The following COL6A5 variants were observed in gnomAD, a reference collection of about 807,000 sequenced individuals.
COL6A5 encodes collagen alpha-5(VI) chain.
COL6A5 carries 48 observed loss-of-function variants against 65.6 expected under a neutral mutation model. The observed-to-expected ratio is 0.73, with a 90% CI of 0.58 to 0.93. The LOEUF is 0.93. Among genes scored for constraint, COL6A5 ranks in the 40% least tolerant of loss-of-function variants. The pLI is 0.00. For missense variants in COL6A5, 914 were observed against 928.3 expected, an observed-to-expected ratio of 0.98 and a Z score of 0.20; for synonymous variants, 291 against 322.8, an observed-to-expected ratio of 0.90 and a Z score of 1.05.
At chr3:130,444,302 C>T (rs183290730) in intron 4 of COL6A5, among the ~76,000 whole-genome samples, 47 of 151,900 alleles carry the variant, frequency 3.1e-4, no homozygotes, top group Admixed American at 9.9e-4. Context: ...TCCTCCTCAG[C>T]TTACGAGATG....
At chr3:130,469,154 G>A in exon 6 of COL6A5, 1 of 1,613,194 alleles carries the variant, frequency 6.2e-7, no homozygotes, top group Non-Finnish European at 8.5e-7. Context: ...CAATGGAGAT[G>A]TTTTTATTGG....
intron 5 of COL6A5, among the ~76,000 whole-genome samples, chr3:130,458,210 A>C (rs1232392688): frequency 6.6e-6 from 1 of 152,070 alleles, no homozygotes; most frequent in Non-Finnish European, 1.5e-5. Flanking sequence ...CCTTTTACTT[A>C]AAGCAGCCGA....
rs913369582 is a variant in COL6A5, at chr3:130,388,963, A to G, written c.2245A>G (p.Arg749Gly). 1.8e-5 allele frequency: 28 copies of G among 1,547,974 alleles called. No homozygotes were observed. The highest frequency in any genetic ancestry group is 3.3e-4 in the Middle Eastern group (2 of 5,974). Reference sequence around the variant, plus strand: ...GCAGGATGATGTGAGAGATCCTGCTAGAATTCTTCGGGGCAAAGATGTGAC... The same window carrying G: ...GCAGGATGATGTGAGAGATCCTGCTGGAATTCTTCGGGGCAAAGATGTGAC... The change falls in exon 6 of 42, where the codon AGA becomes GGA. Residue 749 changes from arginine (R) to glycine (G), a missense_variant and NMD_transcript_variant. Coordinates refer to the COL6A5 transcript ENST00000312481.
Position 130,440,450 on chromosome 3 carries a change from C to T in COL6A5, c.868C>T (p.Gln290Ter). 1.2e-6 allele frequency: 2 copies of T among 1,613,608 alleles called. No homozygotes were observed. Among genetic ancestry groups the T allele is most frequent in the Non-Finnish European group, 1.7e-6 (2 of 1,179,702 alleles). ...GTTTGATTTCATCACTTATGACAAC[C>T]AACTCCTAATGAAGAATCACATCCA... The change falls in exon 3 of 8, where the codon CAA becomes TAA. Residue 290 changes from glutamine to a stop codon, truncating the protein, a stop_gained. Transcript: ENST00000512836. LOFTEE classifies it high-confidence loss of function.
At chr3:130,372,844 A>C (rs1269530204) in intron 1 of COL6A5, among the ~76,000 whole-genome samples, 1 of 152,188 alleles carries the variant, frequency 6.6e-6, no homozygotes, top group African/African-American at 2.4e-5. Flanking sequence ...AAGGACTCTA[A>C]AAATCAGCCC....
chr3:130,455,681 AG>A lies in COL6A5; in HGVS notation c.1544+16del, dbSNP rs1329400336. On this transcript the variant is annotated intron_variant, in intron 5 of 7. Transcript: ENST00000512836. ...TCTCACTTCTGGTAAGAAAATGAAA[AG>A]TCATGATGGAAATGTTTAAATAGCC... The A allele has an allele frequency of 6.4e-7, 1 of 1,572,710 alleles. No individual in the cohort carries two copies. The highest frequency in any genetic ancestry group is 1.4e-5 in the African/African-American group (1 of 73,914).
At chr3:130,445,745 A>G (rs1709290071) in intron 4 of COL6A5, among the ~76,000 whole-genome samples, 1 of 152,154 alleles carries the variant, frequency 6.6e-6, no homozygotes, top group African/African-American at 2.4e-5. Flanking sequence ...AAGCAGAATG[A>G]TGATTCTCGT....
At chr3:130,484,429 A>G in exon 8 of COL6A5, 1 of 403,238 alleles carries the variant, frequency 2.5e-6, no homozygotes, top group Non-Finnish European at 4.4e-6. Context: ...GGACTCCTCT[A>G]AAAGCATTTG....
chr3:130,476,855 A>G, intron 7 of COL6A5: 2 of 675,498 alleles, frequency 3.0e-6, no homozygotes, highest in Non-Finnish European at 5.4e-6. Context: ...CTAGAAATAA[A>G]TGATGTCTTT....
At chr3:130,402,354 T>G (rs1936845130) in intron 12 of COL6A5, among the ~76,000 whole-genome samples, 1 of 152,196 alleles carries the variant, frequency 6.6e-6, no homozygotes, top group Non-Finnish European at 1.5e-5. Context: ...CATTGCAGAT[T>G]AATAGCCTTT....
chr3:130,439,483 A>G (rs1470608422), intron 1 of COL6A5, 39 bp from the exon 34 acceptor site: 27 of 1,480,162 alleles, frequency 1.8e-5, no homozygotes, highest in Non-Finnish European at 2.5e-5. Flanking sequence ...GTGACTAAAA[A>G]CAATGAGCAA....
chr3:130,386,275 G>A (rs1936183206), intron 5 of COL6A5, among the ~76,000 whole-genome samples: 2 of 152,028 alleles, frequency 1.3e-5, no homozygotes, highest in East Asian at 1.9e-4. Flanking sequence ...TTCCTTGTTT[G>A]TAGGCTTATT....
intron 7 of COL6A5, among the ~76,000 whole-genome samples, chr3:130,392,865 TATCATCTTTATCCAA>T (rs1489012509): frequency 1.7e-4 from 26 of 152,288 alleles, no homozygotes; most frequent in African/African-American, 6.0e-4. Context: ...TGAATGATGG[TATCATCTTTATCCAA>T]GGAAAATTAT....
intron 1 of COL6A5, among the ~76,000 whole-genome samples, chr3:130,350,277 C>G (rs1934653322): frequency 6.6e-6 from 1 of 152,144 alleles, no homozygotes; most frequent in Admixed American, 6.6e-5. Flanking sequence ...TCTCACCACT[C>G]CTATTCAACA....
At chr3:130,455,296 A>G (rs781575719) in intron 4 of COL6A5, among the ~76,000 whole-genome samples, 159 bp from the exon 37 acceptor site, 2 of 152,174 alleles carry the variant, frequency 1.3e-5, no homozygotes, top group Non-Finnish European at 2.9e-5. Context: ...TAATATGTAT[A>G]ATGAATCTCA....
intron 20 of COL6A5, among the ~76,000 whole-genome samples, chr3:130,412,653 C>G (rs912949167): frequency 1.3e-5 from 2 of 152,088 alleles, no homozygotes; most frequent in African/African-American, 2.4e-5. Flanking sequence ...GAGATTGATT[C>G]TGGGTACAAA....
At position 130,410,003 on chromosome 3, in the gene COL6A5, C is replaced by G. The variant is rs549930054; in HGVS notation, c.4543-6C>G. On this transcript the variant is annotated splice_region_variant and splice_polypyrimidine_tract_variant and intron_variant and NMD_transcript_variant, in intron 18 of 41. Transcript: ENST00000312481. ...TTCTAAACTACTTTTAAAAATCTTT[C>G]TCTAGGGTAATCCAGGACAAAACAA... 1.9e-5 allele frequency: 29 copies of G among 1,539,700 alleles called. No individual in the cohort carries two copies. In the African/African-American group the frequency reaches 3.6e-4, roughly 19 times the overall value.
chr3:130,467,321 T>A (rs1709840601), intron 5 of COL6A5, among the ~76,000 whole-genome samples: 1 of 151,978 alleles, frequency 6.6e-6, no homozygotes. Flanking sequence ...AGGAATAAGA[T>A]CTAGTGTTCT....
rs778713000 is a variant in COL6A5, at chr3:130,468,949, C to T, written c.1701C>T (p.Thr567=). Residue 567 remains threonine, a synonymous_variant, in exon 6 of 8, where the codon ACC becomes ACT. Coordinates refer to ENST00000512836, the Ensembl canonical transcript of COL6A5. ...TTAAGGAAGTAAAAGCTTTTATAAC[C>T]TCAGTGCTTGATTACTTTCACATTG... is the stretch of plus-strand genomic sequence containing the variant. 46 of 1,612,560 alleles carry T rather than the reference C, an allele frequency of 2.9e-5. No homozygotes were observed. The African/African-American group carries it at 5.5e-4, about 19-fold the overall frequency.
Sources: allele counts gnomAD v4.1 joint callset (sites outside exome capture counted in the v4.1 genomes callset), GRCh38; gene constraint gnomAD v4.1.1; transcripts MANE v1.5; gene names NCBI Gene and HGNC (gene_info 2026-07-23, HGNC 2026-07-21).